Variants in UBTD2 observed in about 807,000 individuals in gnomAD.
UBTD2 encodes the protein ubiquitin domain-containing protein 2.
Under a neutral mutation model 19.8 loss-of-function variants are expected in UBTD2, and 9 were observed. The observed-to-expected ratio is 0.46, with a 90% CI of 0.27 to 0.79. The LOEUF is 0.79. UBTD2 is among the 30% of genes least tolerant of loss of function. The pLI, the probability that UBTD2 is intolerant of heterozygous loss-of-function variation, is 0.14. For missense variants in UBTD2, 250 were observed against 300.4 expected, an observed-to-expected ratio of 0.83 and a Z score of 1.24; for synonymous variants, 98 against 103.9, an observed-to-expected ratio of 0.94 and a Z score of 0.35.
chr5:172,217,434 AAAG>A lies in UBTD2; in HGVS notation c.308-5210_308-5208del, dbSNP rs1176568235. Among the ~76,000 whole-genome samples the A allele has an allele frequency of 6.6e-4, 86 of 130,712 alleles. 2 individuals carry two copies. In the South Asian group the frequency reaches 0.022, roughly 34 times the overall value. 85.8% of individuals were successfully genotyped at this position (130,712 alleles called of 152,430 possible). On this transcript the variant is annotated intron_variant, in intron 2 of 2. Transcript: ENST00000393792. ...ACTCTGTCTCAAAAAAAAAAAAAAA[AAAG>A]AAAGAAAGAAATAAGCAAAGGTGAA... is the stretch of plus-strand genomic sequence containing the variant.
chr5:172,279,665 T>C (rs565340095), intron 1 of UBTD2, among the ~76,000 whole-genome samples: 1 of 152,324 alleles, frequency 6.6e-6, no homozygotes, highest in African/African-American at 2.4e-5. Context: ...AAAGAAAAGG[T>C]TGTTGGTTGT....
At chr5:172,261,932 A>G (rs530195827) in intron 1 of UBTD2, among the ~76,000 whole-genome samples, 34 of 152,184 alleles carry the variant, frequency 2.2e-4, no homozygotes, top group Non-Finnish European at 3.7e-4. Flanking sequence ...CCTCACTCAC[A>G]TACACTTCTA....
chr5:172,261,964 C>T (rs1362539211), intron 1 of UBTD2, among the ~76,000 whole-genome samples: 5 of 152,134 alleles, frequency 3.3e-5, no homozygotes, highest in African/African-American at 9.7e-5. Flanking sequence ...GAAAAGCCAA[C>T]CAAAAACTCC....
chr5:172,280,407 G>A (rs913923144), intron 1 of UBTD2, among the ~76,000 whole-genome samples: 28 of 151,776 alleles, frequency 1.8e-4, no homozygotes, highest in African/African-American at 6.5e-4. Context: ...CTACTCTGGA[G>A]GCTAAGGTAG....
intron 1 of UBTD2, among the ~76,000 whole-genome samples, chr5:172,251,254 G>T (rs1755007332): frequency 6.7e-6 from 1 of 148,996 alleles, no homozygotes; most frequent in Non-Finnish European, 1.5e-5. Context: ...AGGAGGCCAG[G>T]CTTGCAGTGA....
At chr5:172,225,755 A>T (rs1771750243) in intron 2 of UBTD2, among the ~76,000 whole-genome samples, 1 of 152,146 alleles carries the variant, frequency 6.6e-6, no homozygotes, top group Non-Finnish European at 1.5e-5. Context: ...AAGTTGACAA[A>T]CTTAATATTT....
chr5:172,232,216 T>G (rs1771915241), intron 2 of UBTD2, among the ~76,000 whole-genome samples: 1 of 151,284 alleles, frequency 6.6e-6, no homozygotes, highest in South Asian at 2.1e-4. Context: ...GAGGTTACAG[T>G]AAGCCAAGAT....
intron 2 of UBTD2, among the ~76,000 whole-genome samples, chr5:172,224,871 G>C (rs573636603): frequency 2.6e-5 from 4 of 152,238 alleles, no homozygotes; most frequent in African/African-American, 9.6e-5. Flanking sequence ...AAAAGGGAAG[G>C]AACACTCTAA....
At chr5:172,225,954 T>C (rs1771754883) in intron 2 of UBTD2, among the ~76,000 whole-genome samples, 1 of 141,076 alleles carries the variant, frequency 7.1e-6, no homozygotes, top group Admixed American at 7.4e-5. Flanking sequence ...TTTTTTTTTT[T>C]TGAGATGGAA....
At chr5:172,275,768 T>TA (rs1378947039) in intron 1 of UBTD2, among the ~76,000 whole-genome samples, 3 of 152,204 alleles carry the variant, frequency 2.0e-5, no homozygotes, top group Non-Finnish European at 4.4e-5. Flanking sequence ...TGACTCCACT[T>TA]AGACATTCTT....
intron 2 of UBTD2, among the ~76,000 whole-genome samples, chr5:172,219,110 T>C (rs1478937528): frequency 6.6e-6 from 1 of 152,216 alleles, no homozygotes; most frequent in African/African-American, 2.4e-5. Flanking sequence ...TGAATAGGCC[T>C]ACATCTATTA....
At chr5:172,247,752 CT>C (rs1302284073) in intron 1 of UBTD2, among the ~76,000 whole-genome samples, 1 of 152,130 alleles carries the variant, frequency 6.6e-6, no homozygotes, top group Non-Finnish European at 1.5e-5. Flanking sequence ...CCTCAATATC[CT>C]ATTTTCAATA....
chr5:172,276,796 C>T (rs530108475), intron 1 of UBTD2, among the ~76,000 whole-genome samples: 131 of 152,046 alleles, frequency 8.6e-4, no homozygotes, highest in Middle Eastern at 6.8e-3. Context: ...AATGGCCAGG[C>T]ACAGTGGCTC....
intron 1 of UBTD2, among the ~76,000 whole-genome samples, chr5:172,250,790 AG>A (rs1393431584): frequency 6.6e-6 from 1 of 151,940 alleles, no homozygotes; most frequent in African/African-American, 2.4e-5. Flanking sequence ...AAAATTAGCC[AG>A]GCATGGTGGC....
chr5:172,267,327 G>C (rs1035109354), intron 1 of UBTD2, among the ~76,000 whole-genome samples: 1 of 152,162 alleles, frequency 6.6e-6, no homozygotes, highest in Non-Finnish European at 1.5e-5. Flanking sequence ...CCATCTTTAC[G>C]CATATATGAA....
At chr5:172,265,680 TATTC>T (rs1354231167) in intron 1 of UBTD2, among the ~76,000 whole-genome samples, 1 of 152,146 alleles carries the variant, frequency 6.6e-6, no homozygotes, top group Admixed American at 6.5e-5. Flanking sequence ...CACAACTGTC[TATTC>T]ATTATTTCAC....
In UBTD2 at chr5:172,211,831, C is replaced by T. The variant is rs773009614; in HGVS notation, c.704G>A (p.Ter235=). 3.7e-6 allele frequency: 6 copies of T among 1,603,624 alleles called. No homozygotes were observed. The highest frequency in any genetic ancestry group is 1.7e-4 in the Middle Eastern group (1 of 5,984). The part of the protein sequence containing the change: ...PVQNPTPVEN[*] ...GGGAGCTGGCCAACAGGGCTCAGTTCAGTTCTCCACTGGTGTTGGGTTCTG... is the reference window on the plus strand; with the variant it reads ...GGGAGCTGGCCAACAGGGCTCAGTTTAGTTCTCCACTGGTGTTGGGTTCTG... The change falls in exon 3 of 3, where the codon TGA becomes TAA. Residue 235 remains the stop codon, a stop_retained_variant. Coordinates refer to ENST00000393792, the MANE Select transcript of UBTD2 (RefSeq NM_152277.3).
intron 1 of UBTD2, among the ~76,000 whole-genome samples, chr5:172,251,973 T>C (rs1755033658): frequency 1.3e-5 from 2 of 152,320 alleles, no homozygotes; most frequent in East Asian, 1.9e-4. Flanking sequence ...AGGACTGTTA[T>C]AAAGATTTAA....
At position 172,212,128 on chromosome 5, in the gene UBTD2, A is replaced by C; in HGVS notation, c.407T>G (p.Ile136Arg). ...PINMIEEKSD[I>R]ETLDIPEPPP... ...TGGCTCAGGAATATCCAGAGTCTCT[A>C]TGTCGCTCTTTTCCTCTATCATGTT... Residue 136 changes from isoleucine (I) to arginine (R), a missense_variant, in exon 3 of 3, where the codon ATA (isoleucine) becomes AGA (arginine). By Grantham distance (97) the Ile-to-Arg change is moderately conservative (BLOSUM62 -3). Transcript: ENST00000393792. The C allele has an allele frequency of 6.2e-7, 1 of 1,614,214 alleles. No homozygotes were observed. The highest frequency in any genetic ancestry group is 8.5e-7 in the Non-Finnish European group (1 of 1,180,028).
Sources: allele counts gnomAD v4.1 joint callset (sites outside exome capture counted in the v4.1 genomes callset), GRCh38; gene constraint gnomAD v4.1.1; transcripts MANE v1.5; gene names NCBI Gene and HGNC (gene_info 2026-07-23, HGNC 2026-07-21).